TRMT9B: variants seen among roughly 807,000 people sequenced by gnomAD.
The protein encoded by TRMT9B is probable tRNA methyltransferase 9B.
Under a neutral mutation model 11.5 loss-of-function variants are expected in TRMT9B, and 16 were observed. The observed-to-expected ratio is 1.39, with a 90% CI of 0.94 to 2.11. TRMT9B has a LOEUF of 2.11. TRMT9B is among the 30% of genes most tolerant of loss of function. The probability of loss-of-function intolerance (pLI) is 0.00; values close to 1 mark genes in which losing one functional copy is unlikely to be tolerated. For synonymous variants in TRMT9B, 274 were observed against 192.4 expected (o/e 1.42, Z -3.51); for missense variants, 941 against 553.8 (o/e 1.70, Z -7.02).
chr8:12,952,540 A>G (rs887461141), intron 1 of TRMT9B: 2 of 197,076 alleles, frequency 1.0e-5, no homozygotes, highest in East Asian at 3.7e-4. Context: ...TAGTGCCTTA[A>G]GGGTTAAAGT....
chr8:12,995,447 T>C (rs1300770203), intron 2 of TRMT9B, among the ~76,000 whole-genome samples: 1 of 152,206 alleles, frequency 6.6e-6, no homozygotes, highest in Non-Finnish European at 1.5e-5. Flanking sequence ...TCATAGCTCT[T>C]AGCTCTTTGT....
chr8:12,954,051 T>C (rs1800980190), intron 1 of TRMT9B, among the ~76,000 whole-genome samples: 1 of 152,208 alleles, frequency 6.6e-6, no homozygotes, highest in Admixed American at 6.5e-5. Flanking sequence ...CCAAGGTAGT[T>C]CAAAGGTTTT....
chr8:12,964,270 T>C (rs1333393913), intron 1 of TRMT9B, among the ~76,000 whole-genome samples: 4 of 152,250 alleles, frequency 2.6e-5, no homozygotes, highest in South Asian at 4.1e-4. Context: ...CATCCTACAG[T>C]TGATAACACA....
At chr8:13,000,992 C>A (rs536577737) in intron 2 of TRMT9B, among the ~76,000 whole-genome samples, 4 of 152,184 alleles carry the variant, frequency 2.6e-5, no homozygotes, top group African/African-American at 9.6e-5. Context: ...CTATCTAGAG[C>A]CTACATAGGG....
intron 1 of TRMT9B, among the ~76,000 whole-genome samples, chr8:12,949,172 A>G (rs1464731228): frequency 6.6e-6 from 1 of 151,390 alleles, no homozygotes; most frequent in Non-Finnish European, 1.5e-5. Context: ...TTCTTTTTTT[A>G]TATACAAAAA....
intron 1 of TRMT9B, among the ~76,000 whole-genome samples, chr8:12,982,137 C>G (rs577573708): frequency 6.6e-6 from 1 of 152,162 alleles, no homozygotes; most frequent in Non-Finnish European, 1.5e-5. Flanking sequence ...AAAAAATCAG[C>G]TGGTCCCTCT....
In TRMT9B at chr8:13,021,522, T is replaced by A. The variant is rs1454901635; in HGVS notation, c.843T>A (p.Thr281=). 1 of 1,613,728 alleles carries A rather than the reference T, an allele frequency of 6.2e-7. No individual in the cohort carries two copies. Residue 281 remains threonine (T), a synonymous_variant, in exon 5 of 5, where the codon ACT becomes ACA. Coordinates refer to ENST00000524591, the MANE Select transcript of TRMT9B (RefSeq NM_020844.3). ...LKNTEVWASS[T]VTVQPSRHSS... is the part of the protein sequence containing the mutation. The stretch of plus-strand genomic sequence containing the variant: ...ACACAGAAGTTTGGGCCAGTAGCAC[T>A]GTAACAGTCCAGCCTTCCAGACACT...
intron 1 of TRMT9B, among the ~76,000 whole-genome samples, chr8:12,956,476 G>A (rs61093894): frequency 0.017 from 2,573 of 152,156 alleles, 60 homozygotes; most frequent in African/African-American, 0.06. Flanking sequence ...CTCTGCATAC[G>A]GTACTAATTG....
chr8:12,987,602 G>T (rs1006962846), intron 1 of TRMT9B, among the ~76,000 whole-genome samples: 1 of 152,060 alleles, frequency 6.6e-6, no homozygotes, highest in Non-Finnish European at 1.5e-5. Context: ...TGAAGCAGGA[G>T]GATCATTTGC....
chr8:12,947,557 A>G (rs1800324647), intron 1 of TRMT9B, among the ~76,000 whole-genome samples: 6 of 152,248 alleles, frequency 3.9e-5, no homozygotes, highest in Admixed American at 3.9e-4. Context: ...ATGGTGACAT[A>G]AGCATCATGC....
At chr8:12,987,752 C>T (rs1322346453) in intron 1 of TRMT9B, among the ~76,000 whole-genome samples, 1 of 152,076 alleles carries the variant, frequency 6.6e-6, no homozygotes, top group Non-Finnish European at 1.5e-5. Flanking sequence ...ACCTCCCTAG[C>T]CTACCTTAAA....
At chr8:13,001,699 C>T (rs78848853) in intron 2 of TRMT9B, among the ~76,000 whole-genome samples, 9,276 of 152,006 alleles carry the variant, frequency 0.061, 349 homozygotes, top group African/African-American at 0.1. Context: ...ATTTTTGAAA[C>T]ATCAACCGGG....
At chr8:12,996,856 G>A (rs1034169979) in intron 2 of TRMT9B, among the ~76,000 whole-genome samples, 2 of 152,056 alleles carry the variant, frequency 1.3e-5, no homozygotes, top group African/African-American at 4.8e-5. Context: ...AACCCCCAGT[G>A]CTCCCTGCCA....
chr8:13,018,556 A>T (rs536556806), intron 4 of TRMT9B, among the ~76,000 whole-genome samples: 36 of 152,146 alleles, frequency 2.4e-4, no homozygotes, highest in Non-Finnish European at 4.4e-4. Flanking sequence ...ATAGTCAATT[A>T]TCATTATCTA....
intron 2 of TRMT9B, among the ~76,000 whole-genome samples, chr8:13,000,580 G>C (rs140301778): frequency 6.6e-6 from 1 of 152,238 alleles, no homozygotes; most frequent in East Asian, 1.9e-4. Flanking sequence ...TTGTATCTTT[G>C]TCTACTCAGT....
intron 1 of TRMT9B, among the ~76,000 whole-genome samples, chr8:12,955,474 C>G (rs951144418): frequency 2.6e-5 from 4 of 152,108 alleles, no homozygotes; most frequent in Non-Finnish European, 2.9e-5. Flanking sequence ...TATTTCCCAG[C>G]CTTTGTTAAT....
At chr8:13,006,159 A>C (rs1810415661) in intron 2 of TRMT9B, 43 bp from the exon 3 acceptor site, 1 of 1,598,296 alleles carries the variant, frequency 6.3e-7, no homozygotes, top group African/African-American at 1.3e-5. Flanking sequence ...TCTATGGTGC[A>C]TAGGCTGACC....
chr8:12,996,935 TCTTTATTTTATTTTA>T (rs1808449909), intron 2 of TRMT9B, among the ~76,000 whole-genome samples: 1 of 148,594 alleles, frequency 6.7e-6, no homozygotes, highest in Non-Finnish European at 1.5e-5. Flanking sequence ...TTTTGTACCT[TCTTTATTTTATTTTA>T]TTTTATTTTA....
intron 1 of TRMT9B, among the ~76,000 whole-genome samples, chr8:12,982,750 T>A (rs915726994): frequency 6.6e-6 from 1 of 152,138 alleles, no homozygotes; most frequent in Non-Finnish European, 1.5e-5. Context: ...AAATCTGAAA[T>A]GCTCAAAAAT....
Sources: gnomAD v4.1 joint callset for allele counts (sites outside exome capture counted in the v4.1 genomes callset) on GRCh38, gnomAD v4.1.1 for gene constraint, MANE v1.5 for transcripts, NCBI Gene and HGNC (gene_info 2026-07-23, HGNC 2026-07-21) for gene names.